Variants in LANCL3 observed in about 807,000 individuals in gnomAD.
LANCL3 encodes the protein lanC-like protein 3.
In LANCL3, 19 loss-of-function variants were observed where a neutral mutation model predicts 26.5. The observed-to-expected ratio is 0.72, with a 90% CI of 0.50 to 1.05. The LOEUF is 1.05. Ranked by LOEUF, LANCL3 falls within the 50% of genes least tolerant of loss-of-function variation. The pLI, the probability that LANCL3 is intolerant of heterozygous loss-of-function variation, is 0.00. For missense variants in LANCL3, 318 were observed against 362.7 expected, an observed-to-expected ratio of 0.88 and a Z score of 1.00; for synonymous variants, 160 against 166.6, an observed-to-expected ratio of 0.96 and a Z score of 0.30.
chrX:37,584,182 T>G (rs1923988216), intron 1 of LANCL3, among the ~76,000 whole-genome samples: 1 of 111,293 alleles, frequency 9.0e-6, no homozygotes, highest in African/African-American at 3.3e-5. Flanking sequence ...TTGATCATGG[T>G]GGATAAGCTT....
chrX:37,619,827 G>A (rs1873452894), intron 1 of LANCL3, among the ~76,000 whole-genome samples: 1 of 111,769 alleles, frequency 8.9e-6, no homozygotes, highest in African/African-American at 3.3e-5. Flanking sequence ...ATGGAAAACA[G>A]CTGCGCAGAG....
chrX:37,649,810 A>G (rs972783939), intron 1 of LANCL3, among the ~76,000 whole-genome samples: 2 of 111,341 alleles, frequency 1.8e-5, no homozygotes, highest in Non-Finnish European at 3.8e-5. Flanking sequence ...TGAGTCCTCC[A>G]TGACTCACAC....
rs1228811401 is a variant in LANCL3, at chrX:37,647,224, G to A, written c.574-8464G>A. 2.7e-5 allele frequency among the ~76,000 whole-genome samples: 3 copies of A among 111,017 alleles called. No individual in the cohort carries two copies. The Admixed American group carries it at 2.9e-4, about 11-fold the overall frequency. On this transcript the variant is annotated intron_variant, in intron 1 of 4. Coordinates refer to ENST00000378619, the MANE Select transcript of LANCL3 (RefSeq NM_001170331.2). Reference sequence around the variant, plus strand: ...ATCTACTTGGGAGGCTGAGGCAGGAGAATGGCATGAACCTGGGAGACAGAG... The same window carrying A: ...ATCTACTTGGGAGGCTGAGGCAGGAAAATGGCATGAACCTGGGAGACAGAG...
chrX:37,593,701 C>T (rs1387826447), intron 1 of LANCL3, among the ~76,000 whole-genome samples: 2 of 111,682 alleles, frequency 1.8e-5, no homozygotes, highest in Non-Finnish European at 3.8e-5. Flanking sequence ...CTGACTTTAC[C>T]TGTGCTTTTT....
intron 1 of LANCL3, among the ~76,000 whole-genome samples, chrX:37,576,783 G>T (rs1483949343): frequency 8.9e-6 from 1 of 112,244 alleles, no homozygotes; most frequent in African/African-American, 3.2e-5. Context: ...GCTGCTGTTT[G>T]GTAGGAAAGC....
At chrX:37,642,818 A>G (rs782309554) in intron 1 of LANCL3, among the ~76,000 whole-genome samples, 122 of 112,273 alleles carry the variant, frequency 1.1e-3, no homozygotes, top group Non-Finnish European at 1.7e-3. Flanking sequence ...TTAGCAAGAA[A>G]TAAAGAGAAA....
intron 1 of LANCL3, among the ~76,000 whole-genome samples, chrX:37,620,202 A>G (rs1302581862): frequency 9.0e-6 from 1 of 111,334 alleles, no homozygotes; most frequent in African/African-American, 3.3e-5. Context: ...GTAGACTCCT[A>G]ATGTGCCATT....
At chrX:37,651,760 C>G (rs1926151799) in intron 1 of LANCL3, among the ~76,000 whole-genome samples, 1 of 109,883 alleles carries the variant, frequency 9.1e-6, no homozygotes, top group African/African-American at 3.3e-5. Flanking sequence ...CCTCCCCCAA[C>G]CCCATGACAG....
At chrX:37,661,165 T>A (rs1556432502) in intron 3 of LANCL3, among the ~76,000 whole-genome samples, 1 of 111,831 alleles carries the variant, frequency 8.9e-6, no homozygotes, top group Non-Finnish European at 1.9e-5. Flanking sequence ...GACATACCAA[T>A]TTAAACACAG....
Position 37,580,591 on chromosome X carries a change from G to T in LANCL3, c.573+8148G>T, listed in dbSNP as rs782582104. On this transcript the variant is annotated intron_variant, in intron 1 of 4. Transcript: ENST00000378619. ...CCACTTTTAGCAACTTTGAAGTATA[G>T]AATACATTATTATTAACTATAGTCA... Among the ~76,000 whole-genome samples the T allele has an allele frequency of 4.5e-5, 5 of 111,254 alleles. No individual in the cohort carries two copies. In the South Asian group the frequency reaches 1.9e-3, roughly 43 times the overall value.
In LANCL3 at chrX:37,626,140, A is replaced by G. The variant is rs1038616768; in HGVS notation, c.574-29548A>G. ...TGAAGACTGAACAATATTCCATTCC[A>G]TCTTCTCACTTCTCACGCTTCCTAG... On this transcript the variant is annotated intron_variant, in intron 1 of 4. Coordinates refer to ENST00000378619, the MANE Select transcript of LANCL3 (RefSeq NM_001170331.2). 2.7e-5 allele frequency among the ~76,000 whole-genome samples: 3 copies of G among 112,356 alleles called. No homozygotes were observed. In the Admixed American group the frequency reaches 2.8e-4, roughly 11 times the overall value.
chrX:37,583,249 G>A (rs782188809), intron 1 of LANCL3, among the ~76,000 whole-genome samples: 8 of 111,854 alleles, frequency 7.2e-5, no homozygotes, highest in African/African-American at 9.8e-5. Flanking sequence ...GTCAGGTAGC[G>A]TGATGCCTCC....
chrX:37,599,112 T>C (rs1556419777), intron 1 of LANCL3, among the ~76,000 whole-genome samples: 1 of 111,977 alleles, frequency 8.9e-6, no homozygotes, highest in African/African-American at 3.3e-5. Context: ...TTCTGCAAAT[T>C]TGTTACTAGT....
chrX:37,600,634 C>T (rs5963778), intron 1 of LANCL3, among the ~76,000 whole-genome samples: 28,235 of 111,194 alleles, frequency 0.25, 6,318 homozygotes, highest in African/African-American at 0.74. Flanking sequence ...ATAATTAACA[C>T]CCTGGTATTG....
chrX:37,572,677 G>C (rs1158188105), intron 1 of LANCL3, among the ~76,000 whole-genome samples: 1 of 112,324 alleles, frequency 8.9e-6, no homozygotes, highest in Non-Finnish European at 1.9e-5. Flanking sequence ...CGCTTTGTTC[G>C]TGTTTTTACG....
intron 4 of LANCL3, among the ~76,000 whole-genome samples, chrX:37,673,055 C>G (rs987145366): frequency 9.8e-5 from 11 of 112,098 alleles, no homozygotes; most frequent in African/African-American, 2.6e-4. Flanking sequence ...CTCGGGTTTT[C>G]TACCTCTTCT....
chrX:37,578,904 C>G (rs182550129), intron 1 of LANCL3, among the ~76,000 whole-genome samples: 1 of 105,359 alleles, frequency 9.5e-6, no homozygotes, highest in East Asian at 3.0e-4. Flanking sequence ...CGCTTGAACC[C>G]GGGAGGCGGA....
chrX:37,633,001 G>A (rs1465352597), intron 1 of LANCL3, among the ~76,000 whole-genome samples: 3 of 111,782 alleles, frequency 2.7e-5, no homozygotes, highest in East Asian at 5.6e-4. Flanking sequence ...ATGTTGGCCT[G>A]CCTTGCTAGA....
At chrX:37,603,995 G>A (rs1233551673) in intron 1 of LANCL3, among the ~76,000 whole-genome samples, 1 of 112,464 alleles carries the variant, frequency 8.9e-6, no homozygotes, top group Non-Finnish European at 1.9e-5. Context: ...GCAGCCTGCC[G>A]ACATTTCACT....
Sources: allele counts gnomAD v4.1 joint callset (sites outside exome capture counted in the v4.1 genomes callset), GRCh38; gene constraint gnomAD v4.1.1; transcripts MANE v1.5; gene names NCBI Gene and HGNC (gene_info 2026-07-23, HGNC 2026-07-21).